Variants in FAT3 observed in about 807,000 individuals in gnomAD.
FAT3 encodes protocadherin Fat 3.
A neutral mutation model predicts 310.2 loss-of-function variants in FAT3; 95 were observed. The ratio of observed to expected loss-of-function variants is 0.31; its 90% CI spans 0.26 to 0.36. The LOEUF is 0.36. Ranked by LOEUF, FAT3 falls within the 10% of genes least tolerant of loss-of-function variation. FAT3 has a pLI of 1.00. For synonymous variants in FAT3, 2,314 were observed against 2,192.9 expected (o/e 1.06, Z -1.54); for missense variants, 5,408 against 5,715.6 (o/e 0.95, Z 1.74).
intron 4 of FAT3, among the ~76,000 whole-genome samples, chr11:92,708,983 G>A (rs1944441815): frequency 6.6e-6 from 1 of 152,178 alleles, no homozygotes; most frequent in Admixed American, 6.5e-5. Flanking sequence ...CTTTCCCTCT[G>A]GCTTTCTAAA....
chr11:92,313,717 GC>G (rs1947365982), intron 1 of FAT3, among the ~76,000 whole-genome samples: 2 of 152,122 alleles, frequency 1.3e-5, no homozygotes, highest in Non-Finnish European at 1.5e-5. Context: ...GCGCCAACAT[GC>G]CTGGCTAATT....
intron 3 of FAT3, among the ~76,000 whole-genome samples, chr11:92,550,769 T>TC (rs1345347386): frequency 1.1e-5 from 1 of 95,174 alleles, no homozygotes; most frequent in East Asian, 3.8e-4. Flanking sequence ...GCCACATTTA[T>TC]CTTTTTTTTT....
At chr11:92,638,465 G>A (rs889897312) in intron 3 of FAT3, among the ~76,000 whole-genome samples, 1 of 152,134 alleles carries the variant, frequency 6.6e-6, no homozygotes, top group Non-Finnish European at 1.5e-5. Flanking sequence ...TTACCTGTAA[G>A]TGAATTAAAA....
chr11:92,637,190 G>C (rs1364108581), intron 3 of FAT3, among the ~76,000 whole-genome samples: 1 of 152,166 alleles, frequency 6.6e-6, no homozygotes, highest in Non-Finnish European at 1.5e-5. Context: ...AGCCTGTTGA[G>C]AATTAGTGTA....
rs1948701550 is a variant in FAT3 at position 92,355,323 on chromosome 11, G to C, written c.3211G>C (p.Asp1071His). 1 of 1,613,706 alleles carries C rather than the reference G, an allele frequency of 6.2e-7. No homozygotes were observed. Among genetic ancestry groups the C allele is most frequent in the Non-Finnish European group, 8.5e-7 (1 of 1,179,852 alleles). Residue 1071 changes from aspartate to histidine, a missense_variant, in exon 2 of 28, where the codon GAC (aspartate) becomes CAC (histidine). Asp to His is a moderately conservative substitution (Grantham distance 81). Transcript: ENST00000525166. Reference protein sequence around the residue: ...SVLQVTARDEDSGRDGEIQYS... With the variant: ...SVLQVTARDEHSGRDGEIQYS... The stretch of plus-strand genomic sequence containing the variant: ...GCTGCAGGTGACTGCTCGAGATGAA[G>C]ACTCCGGAAGGGATGGAGAGATCCA...
At chr11:92,708,674 G>T (rs948230165) in intron 4 of FAT3, among the ~76,000 whole-genome samples, 12 of 152,290 alleles carry the variant, frequency 7.9e-5, no homozygotes, top group African/African-American at 2.4e-4. Flanking sequence ...TTTATAGCTT[G>T]GTTCATAGTT....
intron 3 of FAT3, among the ~76,000 whole-genome samples, chr11:92,671,719 G>A (rs1025130503): frequency 2.0e-5 from 3 of 152,060 alleles, no homozygotes; most frequent in Admixed American, 1.3e-4. Context: ...GGCATGCATC[G>A]GATCTGTTTT....
intron 2 of FAT3, among the ~76,000 whole-genome samples, chr11:92,482,235 A>G (rs1030061845): frequency 5.9e-5 from 9 of 152,164 alleles, no homozygotes; most frequent in Non-Finnish European, 1.2e-4. Context: ...TTCCAACATT[A>G]TTACAATGAA....
chr11:92,565,387 A>G (rs1335014562), intron 3 of FAT3, among the ~76,000 whole-genome samples: 2 of 128,208 alleles, frequency 1.6e-5, no homozygotes, highest in East Asian at 5.3e-4. Flanking sequence ...AAATTGTGGC[A>G]ATAATCAATA....
At chr11:92,678,522 T>C (rs2135849028) in intron 3 of FAT3, among the ~76,000 whole-genome samples, 1 of 152,306 alleles carries the variant, frequency 6.6e-6, no homozygotes, top group South Asian at 2.1e-4. Flanking sequence ...CCCAGTGCTG[T>C]TGCACTGGGG....
chr11:92,304,056 G>C (rs142218888), intron 1 of FAT3, among the ~76,000 whole-genome samples: 2 of 152,256 alleles, frequency 1.3e-5, no homozygotes, highest in East Asian at 3.9e-4. Context: ...GTGTAATGCA[G>C]TTTTCAATCT....
intron 4 of FAT3, among the ~76,000 whole-genome samples, chr11:92,730,384 C>G (rs1180556690): frequency 6.6e-6 from 1 of 152,094 alleles, no homozygotes; most frequent in Non-Finnish European, 1.5e-5. Flanking sequence ...AAACTCTGAG[C>G]TTTAGAGTTT....
chr11:92,591,653 A>C (rs1000268749), intron 3 of FAT3, among the ~76,000 whole-genome samples: 3 of 152,140 alleles, frequency 2.0e-5, no homozygotes, highest in African/African-American at 7.2e-5. Flanking sequence ...TACCAAGTCA[A>C]TTTTTGCTGA....
At chr11:92,859,110 C>G in intron 20 of FAT3, 55 bp from the exon 21 acceptor site, 2 of 1,548,668 alleles carry the variant, frequency 1.3e-6, no homozygotes, top group East Asian at 2.3e-5. Context: ...TCATGTGTCT[C>G]TGTTCCTTTC....
intron 2 of FAT3, among the ~76,000 whole-genome samples, chr11:92,490,489 A>G (rs1181365212): frequency 6.6e-6 from 1 of 152,118 alleles, no homozygotes; most frequent in Non-Finnish European, 1.5e-5. Flanking sequence ...GACTATCAAA[A>G]AACATTGTGT....
intron 4 of FAT3, among the ~76,000 whole-genome samples, chr11:92,761,224 GCTTGTTCCTCCTAGATGGTGCCTTCTGGT>G (rs933541963): frequency 2.6e-5 from 4 of 152,160 alleles, no homozygotes; most frequent in Non-Finnish European, 5.9e-5. Flanking sequence ...TCTAGTGATA[GCTTGTTCCTCCTAGATGGTGCCTTCTGGT>G]CATGTCCTCA....
At chr11:92,294,408 A>G (rs1946795200) in intron 1 of FAT3, among the ~76,000 whole-genome samples, 2 of 152,034 alleles carry the variant, frequency 1.3e-5, no homozygotes, top group African/African-American at 4.8e-5. Context: ...CACTTGTCCA[A>G]CAAACACTGC....
chr11:92,228,212 AT>A (rs1220783299), intron 1 of FAT3, among the ~76,000 whole-genome samples: 2 of 152,118 alleles, frequency 1.3e-5, no homozygotes, highest in African/African-American at 4.8e-5. Context: ...TGGCTGCAGG[AT>A]TTTCACAGCC....
intron 1 of FAT3, among the ~76,000 whole-genome samples, chr11:92,248,390 A>T (rs1865011641): frequency 6.6e-6 from 1 of 152,124 alleles, no homozygotes; most frequent in Admixed American, 6.6e-5. Context: ...CTTTTCCTCC[A>T]GTTTGGAATT....
Sources: allele counts gnomAD v4.1 joint callset (sites outside exome capture counted in the v4.1 genomes callset), GRCh38; gene constraint gnomAD v4.1.1; transcripts MANE v1.5; gene names NCBI Gene and HGNC (gene_info 2026-07-23, HGNC 2026-07-21).